RELN: variants seen among roughly 807,000 people sequenced by gnomAD.
The protein encoded by RELN is reelin.
In RELN, 108 loss-of-function variants were observed where a neutral mutation model predicts 427.6. The ratio of observed to expected loss-of-function variants is 0.25; its 90% CI spans 0.22 to 0.30. The LOEUF (loss-of-function observed/expected upper bound fraction) is 0.30. Ranked by LOEUF, RELN falls within the 10% of genes least tolerant of loss-of-function variation. RELN has a pLI of 1.00. For missense variants in RELN, 3,715 were observed against 4,302.8 expected, an observed-to-expected ratio of 0.86 and a Z score of 3.82; for synonymous variants, 1,524 against 1,513.4, an observed-to-expected ratio of 1.01 and a Z score of -0.16.
chr7:103,789,000 G>A (rs974966449), intron 3 of RELN, among the ~76,000 whole-genome samples: 2 of 151,596 alleles, frequency 1.3e-5, no homozygotes, highest in African/African-American at 4.8e-5. Context: ...ATACATAGAC[G>A]AATGGAACAG....
intron 2 of RELN, among the ~76,000 whole-genome samples, chr7:103,879,373 C>A (rs1044544618): frequency 2.0e-5 from 3 of 152,168 alleles, no homozygotes; most frequent in African/African-American, 7.2e-5. Context: ...GCAGAGATAA[C>A]TGGAGTTATC....
intron 28 of RELN, among the ~76,000 whole-genome samples, chr7:103,587,408 C>T (rs745822495): frequency 2.6e-4 from 39 of 151,948 alleles, no homozygotes; most frequent in Non-Finnish European, 4.3e-4. Flanking sequence ...AACATGAGGC[C>T]CCAAACTACA....
intron 3 of RELN, among the ~76,000 whole-genome samples, chr7:103,822,227 T>C (rs1793032284): frequency 6.6e-6 from 1 of 152,064 alleles, no homozygotes; most frequent in African/African-American, 2.4e-5. Flanking sequence ...AAAATATTGT[T>C]AATATTAACC....
chr7:103,901,282 T>C (rs1795079723), intron 2 of RELN, among the ~76,000 whole-genome samples: 1 of 152,092 alleles, frequency 6.6e-6, no homozygotes, highest in African/African-American at 2.4e-5. Flanking sequence ...GTGGAGAAAC[T>C]GAACCTCTCA....
At chr7:103,727,533 T>C (rs1466552026) in intron 7 of RELN, among the ~76,000 whole-genome samples, 1 of 152,224 alleles carries the variant, frequency 6.6e-6, no homozygotes. Flanking sequence ...TCATGTTTCA[T>C]TTTATATATG....
Position 103,498,351 on chromosome 7 carries a change from TAG to T in RELN, c.8668-101_8668-100del. On this transcript the variant is annotated intron_variant, in intron 53 of 64. Coordinates refer to ENST00000428762, the MANE Select transcript of RELN (RefSeq NM_005045.4). ...AGTGATGTCTTGGACTTAAAAAAAA[TAG>T]AGCTGATTTCAAATGCTTTTCAAAG... 2.8e-6 allele frequency: 3 copies of T among 1,059,870 alleles called. No homozygotes were observed. The South Asian group carries it at 4.1e-5, about 14-fold the overall frequency. The allele number at this position is 1,059,870 out of a possible 1,614,324, so 65.7% of individuals were successfully genotyped here.
intron 9 of RELN, among the ~76,000 whole-genome samples, chr7:103,699,625 A>G (rs902072013): frequency 6.6e-6 from 1 of 152,182 alleles, no homozygotes; most frequent in Non-Finnish European, 1.5e-5. Flanking sequence ...AATATGTACC[A>G]TAATTTACTT....
At chr7:103,657,543 A>G (rs1833047756) in intron 12 of RELN, among the ~76,000 whole-genome samples, 1 of 152,080 alleles carries the variant, frequency 6.6e-6, no homozygotes, top group African/African-American at 2.4e-5. Context: ...AATTTCATTC[A>G]TCTGTTTTCT....
At chr7:103,616,083 G>T (rs954644813) in intron 20 of RELN, among the ~76,000 whole-genome samples, 2 of 152,094 alleles carry the variant, frequency 1.3e-5, no homozygotes, top group African/African-American at 4.8e-5. Flanking sequence ...CTTTAAGAGC[G>T]GTTTAGTATA....
intron 2 of RELN, among the ~76,000 whole-genome samples, chr7:103,863,292 A>T (rs942330266): frequency 1.3e-5 from 2 of 152,172 alleles, no homozygotes; most frequent in Admixed American, 1.3e-4. Context: ...TTGACACATG[A>T]ACCATATGAA....
At chr7:103,689,297 G>T (rs531430543) in intron 10 of RELN, among the ~76,000 whole-genome samples, 3 of 88,990 alleles carry the variant, frequency 3.4e-5, no homozygotes, top group East Asian at 6.5e-4. Flanking sequence ...CAATCAGAGT[G>T]GGAAGATTTC....
At chr7:103,473,615 A>G (rs3808051) in intron 64 of RELN, among the ~76,000 whole-genome samples, 52,096 of 152,082 alleles carry the variant, frequency 0.34, 9,573 homozygotes, top group East Asian at 0.53. Context: ...TTTCCCCCAC[A>G]TATGTACATA....
At chr7:103,617,646 T>C (rs982768566) in intron 20 of RELN, among the ~76,000 whole-genome samples, 4 of 151,954 alleles carry the variant, frequency 2.6e-5, no homozygotes, top group African/African-American at 9.7e-5. Flanking sequence ...TATACATGTG[T>C]GTATATATAC....
intron 10 of RELN, among the ~76,000 whole-genome samples, chr7:103,695,690 C>G (rs1833964186): frequency 6.6e-6 from 1 of 152,110 alleles, no homozygotes; most frequent in African/African-American, 2.4e-5. Flanking sequence ...TGACCATCAT[C>G]ACAAAATGAT....
At chr7:103,758,103 A>G (rs1187866458) in intron 4 of RELN, among the ~76,000 whole-genome samples, 12 of 152,186 alleles carry the variant, frequency 7.9e-5, no homozygotes, top group African/African-American at 2.9e-4. Context: ...ATGTGAATGT[A>G]TTTGTGTTTC....
intron 1 of RELN, among the ~76,000 whole-genome samples, chr7:103,922,042 A>G (rs1323295388): frequency 6.6e-6 from 1 of 152,168 alleles, no homozygotes; most frequent in East Asian, 1.9e-4. Context: ...GTTGAATTCA[A>G]CCACATAGAA....
intron 61 of RELN, 135 bp downstream of exon 61, chr7:103,486,062 A>T: frequency 1.2e-6 from 1 of 821,038 alleles, no homozygotes; most frequent in East Asian, 2.6e-5. Flanking sequence ...TCCTTGTCCC[A>T]AATTCAAATG....
In RELN at chr7:103,575,552, A is replaced by T. The variant is rs1562900400; in HGVS notation, c.4299T>A (p.Tyr1433Ter). 1 of 1,614,108 alleles carries T rather than the reference A, an allele frequency of 6.2e-7. No homozygotes were observed. Among genetic ancestry groups the T allele is most frequent in the Non-Finnish European group, 8.5e-7 (1 of 1,179,954 alleles). ...ISGVCFCDLGYTAAQGTCVSN... is the reference protein window; with the variant it reads ...ISGVCFCDLG Reference sequence around the variant, plus strand: ...GACACATGTATTTAGCCTTACCAGTATATCCCAGGTCACAGAAACACACTC... The same window carrying T: ...GACACATGTATTTAGCCTTACCAGTTTATCCCAGGTCACAGAAACACACTC... The change falls in exon 29 of 65, where the codon TAT (tyrosine) becomes TAA (stop). Residue 1433 changes from tyrosine (Y) to a stop codon, truncating the protein, a stop_gained. Transcript: ENST00000428762. LOFTEE classifies it high-confidence loss of function.
chr7:103,936,520 T>C (rs1164775620), intron 1 of RELN, among the ~76,000 whole-genome samples: 5 of 152,102 alleles, frequency 3.3e-5, no homozygotes, highest in Non-Finnish European at 7.3e-5. Context: ...AGGTTAAACC[T>C]CTAATTCCCT....
Sources: allele counts gnomAD v4.1 joint callset (sites outside exome capture counted in the v4.1 genomes callset), GRCh38; gene constraint gnomAD v4.1.1; transcripts MANE v1.5; gene names NCBI Gene and HGNC (gene_info 2026-07-23, HGNC 2026-07-21).